POLK: variants seen among roughly 807,000 people sequenced by gnomAD.
The protein encoded by POLK is polymerase (DNA directed) kappa.
POLK carries 76 observed loss-of-function variants against 94.0 expected under a neutral mutation model. The ratio of observed to expected loss-of-function variants is 0.81; its 90% confidence interval spans 0.67 to 0.98. The LOEUF is 0.98. POLK is among the 50% of genes least tolerant of loss of function. The pLI is 0.00. For missense variants in POLK, 954 were observed against 1,010.1 expected (o/e 0.94, Z 0.75); for synonymous variants, 349 against 325.4 (o/e 1.07, Z -0.78).
chr5:75,559,523 G>GTTTTTTTTTTTTTTTTT (rs775525619), intron 3 of POLK, among the ~76,000 whole-genome samples: 17 of 54,676 alleles, frequency 3.1e-4, no homozygotes, highest in Middle Eastern at 0.014. Context: ...GTTTTGTTTT[G>GTTTTTTTTTTTTTTTTT]TTTTTTTTTT....
intron 1 of POLK, among the ~76,000 whole-genome samples, chr5:75,521,119 C>A (rs5744552): frequency 6.6e-6 from 1 of 151,940 alleles, no homozygotes; most frequent in East Asian, 1.9e-4. Flanking sequence ...CAAATCTGTT[C>A]GTGTTCTCTG....
intron 1 of POLK, among the ~76,000 whole-genome samples, chr5:75,541,995 T>G (rs150020871): frequency 3.0e-4 from 46 of 152,324 alleles, no homozygotes; most frequent in Non-Finnish European, 5.7e-4. Context: ...TCATATAAGA[T>G]GTATTGGTTT....
exon 15 of POLK, chr5:75,600,484 C>T (rs1435368082): frequency 6.6e-6 from 1 of 152,018 alleles, no homozygotes. Flanking sequence ...TTATTTTTTT[C>T]CCTGTCAGGA....
chr5:75,592,989 A>G (rs1463988120), intron 11 of POLK, among the ~76,000 whole-genome samples: 2 of 150,426 alleles, frequency 1.3e-5, no homozygotes, highest in East Asian at 2.0e-4. Context: ...CTGGGAGGTC[A>G]AAGCTGCAGT....
downstream of POLK, among the ~76,000 whole-genome samples, chr5:75,602,731 A>G (rs116305365): frequency 0.013 from 1,997 of 152,318 alleles, 13 homozygotes; most frequent in Non-Finnish European, 0.02. Flanking sequence ...ATTTCTTTGC[A>G]TGTGTATAAT....
At chr5:75,601,826 C>T (rs1773303374), downstream of POLK, among the ~76,000 whole-genome samples, 2 of 152,082 alleles carry the variant, frequency 1.3e-5, no homozygotes, top group African/African-American at 2.4e-5. Flanking sequence ...TGTGGGACTT[C>T]ACCTTGTGAT....
intron 1 of POLK, among the ~76,000 whole-genome samples, chr5:75,526,017 A>T (rs1238431638): frequency 6.6e-6 from 1 of 152,204 alleles, no homozygotes; most frequent in Non-Finnish European, 1.5e-5. Flanking sequence ...CAATGAGAGG[A>T]TGCTTCTTAA....
At chr5:75,593,770 A>C in intron 11 of POLK, 108 bp from the exon 12 acceptor site, 1 of 557,410 alleles carries the variant, frequency 1.8e-6, no homozygotes, top group Non-Finnish European at 3.0e-6. Context: ...TTGAACCCAG[A>C]AGTTGAAGGC....
At chr5:75,597,748 T>C (rs979080997) in exon 14 of POLK, 2 of 1,483,304 alleles carry the variant, frequency 1.3e-6, no homozygotes, top group African/African-American at 1.4e-5. Flanking sequence ...CCTCTAAAGG[T>C]AGCTCAAGTG....
At chr5:75,520,563 T>G (rs917447452) in intron 1 of POLK, among the ~76,000 whole-genome samples, 8 of 152,060 alleles carry the variant, frequency 5.3e-5, no homozygotes, top group Admixed American at 5.2e-4. Flanking sequence ...CTCAGGTAAT[T>G]AGAAAAAAAA....
Position 75,511,915 on chromosome 5 carries a change from G to A in POLK, c.-14+1G>A. 3 of 1,240,380 alleles carry A rather than the reference G, an allele frequency of 2.4e-6. No homozygotes were observed. The highest frequency in any genetic ancestry group is 3.4e-6 in the Non-Finnish European group (3 of 893,676). 76.8% of individuals were successfully genotyped at this position (1,240,380 alleles called of 1,614,324 possible). Reference sequence around the variant, plus strand: ...TGTAGTCGCGATCCTGAGGTAACGGGTGAGTATCCCGCGCGGGGATCGCTT... The same window carrying A: ...TGTAGTCGCGATCCTGAGGTAACGGATGAGTATCCCGCGCGGGGATCGCTT... On this transcript the variant is annotated splice_donor_variant, in intron 1 of 14. Coordinates refer to ENST00000241436, the Ensembl canonical transcript of POLK. LOFTEE classifies it low-confidence loss of function (5UTR_SPLICE).
At chr5:75,537,868 T>G (rs1445598755) in intron 1 of POLK, among the ~76,000 whole-genome samples, 2 of 152,046 alleles carry the variant, frequency 1.3e-5, no homozygotes, top group Non-Finnish European at 2.9e-5. Flanking sequence ...ATTTATTTAT[T>G]TTTTTTGAGA....
intron 4 of POLK, among the ~76,000 whole-genome samples, chr5:75,570,627 C>G (rs1357171304): frequency 2.0e-5 from 3 of 152,162 alleles, no homozygotes; most frequent in Non-Finnish European, 2.9e-5. Flanking sequence ...TTTCTGATTA[C>G]TGAGTTGCTC....
chr5:75,511,659 C>T (rs1202609673), upstream of POLK: 2 of 1,515,914 alleles, frequency 1.3e-6, no homozygotes, highest in Middle Eastern at 2.4e-4. Context: ...TTTCCCCTCC[C>T]CTTCGTCCTC....
exon 7 of POLK, chr5:75,581,407 G>A (rs151251843): frequency 5.3e-4 from 860 of 1,613,440 alleles, no homozygotes; most frequent in Admixed American, 8.2e-4. Context: ...AAGGAAATTC[G>A]TTTCAGAATT....
chr5:75,593,200 C>T (rs1046245493), intron 11 of POLK, among the ~76,000 whole-genome samples: 5 of 150,914 alleles, frequency 3.3e-5, no homozygotes, highest in East Asian at 2.0e-4. Context: ...GGTGTGATCT[C>T]GGCTCAATGC....
intron 7 of POLK, 48 bp downstream of exon 7, chr5:75,581,496 G>C: frequency 6.6e-7 from 1 of 1,521,472 alleles, no homozygotes; most frequent in Admixed American, 1.8e-5. Flanking sequence ...TTTTCAGACT[G>C]GCTAATTTAA....
chr5:75,516,387 A>G (rs193096423), intron 1 of POLK, among the ~76,000 whole-genome samples: 298 of 152,330 alleles, frequency 2.0e-3, no homozygotes, highest in Non-Finnish European at 3.3e-3. Context: ...GTTTCAGACC[A>G]GTCTGGGCAA....
At chr5:75,578,144 T>G (rs1772002149) in intron 6 of POLK, among the ~76,000 whole-genome samples, 1 of 152,182 alleles carries the variant, frequency 6.6e-6, no homozygotes, top group Non-Finnish European at 1.5e-5. Flanking sequence ...GTAAATGTTT[T>G]CATTTTCTAC....
Sources: gnomAD v4.1 joint callset for allele counts (sites outside exome capture counted in the v4.1 genomes callset) on GRCh38, gnomAD v4.1.1 for gene constraint, MANE v1.5 for transcripts, NCBI Gene and HGNC (gene_info 2026-07-23, HGNC 2026-07-21) for gene names.